Variants in PCDH15 observed in about 807,000 individuals in gnomAD.
The protein encoded by PCDH15 is protocadherin related 15, also known as protocadherin-15.
Under a neutral mutation model 178.5 loss-of-function variants are expected in PCDH15, and 129 were observed. That is an observed-to-expected ratio of 0.72 (90% CI 0.63 to 0.84). The LOEUF (loss-of-function observed/expected upper bound fraction) is 0.84, where lower values mean the gene tolerates loss of function less well. PCDH15 is among the 40% of genes least tolerant of loss of function. The pLI, the probability that PCDH15 is intolerant of heterozygous loss-of-function variation, is 0.00. For missense variants in PCDH15, 2,230 were observed against 2,099.9 expected (o/e 1.06, Z -1.21); for synonymous variants, 800 against 732.0 (o/e 1.09, Z -1.50).
chr10:54,818,291 T>C (rs1180256781), intron 3 of PCDH15, among the ~76,000 whole-genome samples: 2 of 152,068 alleles, frequency 1.3e-5, no homozygotes, highest in East Asian at 3.9e-4. Context: ...TAGGGCATAT[T>C]CAGTAAAATT....
intron 2 of PCDH15, among the ~76,000 whole-genome samples, chr10:55,003,072 A>G (rs892309638): frequency 1.3e-5 from 2 of 152,130 alleles, no homozygotes; most frequent in African/African-American, 2.4e-5. Flanking sequence ...ATGTTTTAAC[A>G]TATGTTGTCA....
intron 2 of PCDH15, among the ~76,000 whole-genome samples, chr10:55,509,594 T>C (rs1027185672): frequency 2.0e-5 from 3 of 151,926 alleles, no homozygotes; most frequent in Non-Finnish European, 4.4e-5. Flanking sequence ...ATTAAATTAA[T>C]TGTACCAATT....
At chr10:54,861,599 T>C (rs1953844544) in intron 3 of PCDH15, among the ~76,000 whole-genome samples, 3 of 152,122 alleles carry the variant, frequency 2.0e-5, no homozygotes, top group Admixed American at 6.6e-5. Context: ...TCATAGAGAA[T>C]GGAGAAAAGT....
chr10:54,879,991 A>G (rs891744356), intron 3 of PCDH15, among the ~76,000 whole-genome samples: 18 of 152,096 alleles, frequency 1.2e-4, no homozygotes, highest in African/African-American at 4.1e-4. Flanking sequence ...GTTCTTCCCT[A>G]TCTACACTGT....
chr10:54,102,449 G>C (rs1448748796), intron 15 of PCDH15, among the ~76,000 whole-genome samples: 1 of 152,172 alleles, frequency 6.6e-6, no homozygotes, highest in African/African-American at 2.4e-5. Context: ...GCTGCAATTG[G>C]AGTCACCACT....
intron 3 of PCDH15, among the ~76,000 whole-genome samples, chr10:54,509,430 C>A (rs1218668230): frequency 6.6e-6 from 1 of 152,086 alleles, no homozygotes; most frequent in Non-Finnish European, 1.5e-5. Context: ...GAGGCCTCCC[C>A]AGCTATGTGG....
intron 25 of PCDH15, among the ~76,000 whole-genome samples, chr10:53,912,751 T>C (rs960022538): frequency 6.6e-6 from 1 of 152,136 alleles, no homozygotes; most frequent in Non-Finnish European, 1.5e-5. Flanking sequence ...GAAGGACCTC[T>C]TCAAGGAGAA....
At chr10:53,809,595 G>A in intron 37 of PCDH15, 1 of 1,552,838 alleles carries the variant, frequency 6.4e-7, no homozygotes. Flanking sequence ...AGATAGCTAT[G>A]GTATGACCTT....
At chr10:54,266,376 G>A (rs528484081) in intron 8 of PCDH15, among the ~76,000 whole-genome samples, 9 of 151,580 alleles carry the variant, frequency 5.9e-5, no homozygotes, top group Admixed American at 2.0e-4. Context: ...AATTAACAAC[G>A]TAACATTGCA....
intron 3 of PCDH15, among the ~76,000 whole-genome samples, chr10:54,383,336 A>T (rs2135143930): frequency 6.6e-6 from 1 of 152,274 alleles, no homozygotes; most frequent in Non-Finnish European, 1.5e-5. Flanking sequence ...ATGAAATAAA[A>T]GGCCATTTCT....
chr10:55,014,484 C>A (rs937076432), intron 2 of PCDH15, among the ~76,000 whole-genome samples: 1 of 135,390 alleles, frequency 7.4e-6, no homozygotes, highest in Non-Finnish European at 1.6e-5. Flanking sequence ...TGCTTATAAC[C>A]AGACCAGAGT....
At chr10:54,347,709 G>A (rs967252339) in intron 5 of PCDH15, among the ~76,000 whole-genome samples, 1 of 151,770 alleles carries the variant, frequency 6.6e-6, no homozygotes, top group Non-Finnish European at 1.5e-5. Context: ...ACTCAGAGAG[G>A]GTAGCTGCTA....
At chr10:54,563,318 T>C (rs1465879213) in intron 2 of PCDH15, among the ~76,000 whole-genome samples, 2 of 152,128 alleles carry the variant, frequency 1.3e-5, no homozygotes, top group Admixed American at 1.3e-4. Context: ...CCTGGGGAAC[T>C]TCCGCTTTTT....
chr10:54,188,773 A>T (rs2048699823), intron 11 of PCDH15, among the ~76,000 whole-genome samples: 1 of 151,970 alleles, frequency 6.6e-6, no homozygotes, highest in South Asian at 2.1e-4. Flanking sequence ...TAATGGGAAT[A>T]AATATAGGAT....
At chr10:54,922,379 A>C (rs536627760) in intron 2 of PCDH15, among the ~76,000 whole-genome samples, 3 of 152,188 alleles carry the variant, frequency 2.0e-5, no homozygotes, top group Non-Finnish European at 4.4e-5. Flanking sequence ...GAAATTGGCC[A>C]AAACAAGGGA....
intron 2 of PCDH15, among the ~76,000 whole-genome samples, chr10:54,965,624 T>C (rs974445111): frequency 1.3e-5 from 2 of 149,336 alleles, no homozygotes; most frequent in Admixed American, 6.7e-5. Context: ...TATATATATA[T>C]ATATATATAT....
At chr10:54,934,214 G>A (rs1837849922) in intron 2 of PCDH15, among the ~76,000 whole-genome samples, 1 of 151,944 alleles carries the variant, frequency 6.6e-6, no homozygotes, top group African/African-American at 2.4e-5. Flanking sequence ...TTGTGTGTCT[G>A]TTACTAAAAG....
At chr10:54,715,224 G>C (rs1256123317) in intron 1 of PCDH15, among the ~76,000 whole-genome samples, 1 of 152,110 alleles carries the variant, frequency 6.6e-6, no homozygotes, top group Admixed American at 6.6e-5. Flanking sequence ...TTTGAATAGA[G>C]TTTGATTTTT....
intron 2 of PCDH15, among the ~76,000 whole-genome samples, chr10:55,366,847 T>A (rs566152965): frequency 1.1e-4 from 16 of 152,234 alleles, no homozygotes; most frequent in African/African-American, 3.8e-4. Flanking sequence ...ATTTCTAAAA[T>A]GTATCTATTT....
Sources: gnomAD v4.1 joint callset for allele counts (sites outside exome capture counted in the v4.1 genomes callset) on GRCh38, gnomAD v4.1.1 for gene constraint, MANE v1.5 for transcripts, NCBI Gene and HGNC (gene_info 2026-07-23, HGNC 2026-07-21) for gene names.